Variants in SNRPN observed in about 807,000 individuals in gnomAD.
SNRPN encodes the protein small nuclear ribonucleoprotein polypeptide N.
SNRPN carries 7 observed loss-of-function variants against 25.2 expected under a neutral mutation model. The ratio of observed to expected loss-of-function variants is 0.28; its 90% CI spans 0.16 to 0.52. The LOEUF (loss-of-function observed/expected upper bound fraction) is 0.52. Among genes scored for constraint, SNRPN ranks in the 20% least tolerant of loss-of-function variants. The pLI is 0.96. For missense variants in SNRPN, 196 were observed against 322.5 expected (o/e 0.61, Z 3.00); for synonymous variants, 124 against 110.6 (o/e 1.12, Z -0.76).
In SNRPN at chr15:24,862,426, A is replaced by G. The variant is rs1328719097; in HGVS notation, c.-579+5710A>G. On this transcript the variant is annotated intron_variant, in intron 1 of 11. Transcript: ENST00000400097. ...TCCTGACCTGAGAACAGAAGAGAGC[A>G]CAAGAAACAGGTTCATCTTCAGGCA... Among the ~76,000 whole-genome samples the G allele has an allele frequency of 6.0e-5, 9 of 150,958 alleles. No homozygotes were observed. In the South Asian group the frequency reaches 1.0e-3, roughly 17 times the overall value.
intron 2 of SNRPN, among the ~76,000 whole-genome samples, chr15:24,887,516 G>A (rs972995062): frequency 2.0e-5 from 3 of 151,742 alleles, no homozygotes; most frequent in Non-Finnish European, 4.4e-5. Flanking sequence ...TATTATAATA[G>A]GTTTGGGTTG....
intron 1 of SNRPN, among the ~76,000 whole-genome samples, chr15:24,879,693 A>C (rs926088230): frequency 1.2e-4 from 19 of 152,216 alleles, no homozygotes; most frequent in African/African-American, 4.6e-4. Context: ...TGAGGGTCAA[A>C]TTCTGCCCAG....
At chr15:24,899,971 G>A (rs1268938258) in intron 2 of SNRPN, among the ~76,000 whole-genome samples, 1 of 152,136 alleles carries the variant, frequency 6.6e-6, no homozygotes, top group Non-Finnish European at 1.5e-5. Flanking sequence ...TTATGTTTGG[G>A]CACATTCCAC....
intron 1 of SNRPN, chr15:24,958,639 G>A (rs1338924378): frequency 6.6e-6 from 1 of 151,182 alleles, no homozygotes; most frequent in Non-Finnish European, 1.5e-5. Context: ...TTCTCTTTTT[G>A]TTAATTCTCC....
In SNRPN at chr15:24,823,943, A is replaced by G. The variant is rs141339681; in HGVS notation, c.-687+93A>G. On this transcript the variant is annotated intron_variant, in intron 1 of 12. Transcript: ENST00000400100. Reference sequence around the variant, plus strand: ...AAAACCAATTCATATTTTGTATTGTATATTAATGCCTTTCATTCCTGTATT... The same window carrying G: ...AAAACCAATTCATATTTTGTATTGTGTATTAATGCCTTTCATTCCTGTATT... 10 of 152,288 alleles carry G rather than the reference A, an allele frequency of 6.6e-5. No individual in the cohort carries two copies. The East Asian group carries it at 1.9e-3, about 29-fold the overall frequency. The allele number at this position is 152,288 out of a possible 1,614,324, so 9.4% of individuals were successfully genotyped here.
At chr15:24,896,889 C>T (rs1228593401) in intron 2 of SNRPN, among the ~76,000 whole-genome samples, 6 of 152,066 alleles carry the variant, frequency 3.9e-5, no homozygotes, top group South Asian at 2.1e-4. Flanking sequence ...CAGTGGTTCA[C>T]GCCTGTAATC....
In SNRPN at chr15:24,834,728, C is replaced by CCTCTCCCTCTCTCT. The variant is rs1555376611; in HGVS notation, c.-579+4828_-579+4829insCCTCTCTCTCTCTC. Among the ~76,000 whole-genome samples the CCTCTCCCTCTCTCT allele has an allele frequency of 9.8e-4, 42 of 42,808 alleles. 2 individuals carry two copies. The highest frequency in any genetic ancestry group is 8.4e-3 in the East Asian group (9 of 1,070). 28.1% of individuals were successfully genotyped at this position (42,808 alleles called of 152,430 possible). A position where few individuals can be genotyped will look rare whatever the true frequency, so the allele number is the denominator to read the frequency against. On this transcript the variant is annotated intron_variant, in intron 2 of 12. Coordinates refer to the SNRPN transcript ENST00000400100. ...GAGTGAGACCTTGTCTCTCTCTCTC[C>CCTCTCCCTCTCTCT]CTCTCTCTCTCTCTCTCTCTCTCTA...
At chr15:24,903,452 G>A (rs531806792) in intron 2 of SNRPN, among the ~76,000 whole-genome samples, 5 of 152,202 alleles carry the variant, frequency 3.3e-5, no homozygotes, top group Admixed American at 3.3e-4. Context: ...ACATCCTAAG[G>A]GCCAAAGGAA....
chr15:24,853,995 TTTG>T (rs373461777), upstream of SNRPN, among the ~76,000 whole-genome samples: 292 of 152,338 alleles, frequency 1.9e-3, 1 homozygote, highest in African/African-American at 6.8e-3. Flanking sequence ...TTTTCCTCCA[TTTG>T]TTTTATATAT....
chr15:24,944,463 C>T (rs1047059326), intron 3 of SNRPN, among the ~76,000 whole-genome samples: 10 of 152,098 alleles, frequency 6.6e-5, no homozygotes, highest in African/African-American at 2.4e-4. Flanking sequence ...TTTGGGAGGC[C>T]AAGGTGGGTG....
chr15:24,863,126 G>T (rs1281125111), intron 1 of SNRPN, among the ~76,000 whole-genome samples: 1 of 150,792 alleles, frequency 6.6e-6, no homozygotes, highest in Non-Finnish European at 1.5e-5. Context: ...TTGTTTGATG[G>T]GAAGGAGCAG....
chr15:24,977,762 C>A lies in SNRPN; in HGVS notation c.421-16C>A. On this transcript the variant is annotated splice_polypyrimidine_tract_variant and intron_variant, in intron 7 of 9. Coordinates refer to ENST00000390687, the MANE Select transcript of SNRPN (RefSeq NM_003097.6). ...GGTTTGCATCGCTTTGACTGTTTCC[C>A]GCCCTGCCTTCTCAGGTAATGACTC... is the stretch of plus-strand genomic sequence containing the variant. The A allele has an allele frequency of 6.3e-7, 1 of 1,578,324 alleles. No homozygotes were observed. The highest frequency in any genetic ancestry group is 1.9e-5 in the Admixed American group (1 of 51,996).
intron 2 of SNRPN, among the ~76,000 whole-genome samples, chr15:24,834,751 C>CTCTCTCTCTCTCTCTATATATA: frequency 7.4e-4 from 45 of 60,948 alleles, no homozygotes; most frequent in African/African-American, 8.9e-4. Context: ...CTCTCTCTCT[C>CTCTCTCTCTCTCTCTATATATA]TATATATATA....
chr15:24,964,057 A>G (rs889261947), intron 2 of SNRPN, among the ~76,000 whole-genome samples: 6 of 152,048 alleles, frequency 3.9e-5, no homozygotes, highest in Non-Finnish European at 8.8e-5. Flanking sequence ...GTTGTAAAAC[A>G]TCTGTTAGCA....
chr15:24,943,468 G>A lies in SNRPN; in HGVS notation c.-390-18646G>A, dbSNP rs558411242. On this transcript the variant is annotated intron_variant, in intron 3 of 11. Transcript: ENST00000400097. ...AAGCAGTGTAGCAGGAGTGGGGGCC[G>A]TGGACATTTGAGCCACTTCTTCATG... Among the ~76,000 whole-genome samples the A allele has an allele frequency of 4.6e-5, 7 of 152,134 alleles. No individual in the cohort carries two copies. The East Asian group carries it at 5.8e-4, about 13-fold the overall frequency.
intron 1 of SNRPN, among the ~76,000 whole-genome samples, chr15:24,960,911 C>CT (rs1366544831): frequency 6.6e-6 from 1 of 152,122 alleles, no homozygotes; most frequent in African/African-American, 2.4e-5. Context: ...ATAAATGTGT[C>CT]TGTCACCTGA....
intron 1 of SNRPN, among the ~76,000 whole-genome samples, chr15:24,828,555 CAAGAAAGAAAA>C (rs1442152465): frequency 4.6e-5 from 7 of 151,836 alleles, no homozygotes; most frequent in African/African-American, 1.2e-4. Context: ...TCGAAAAAAA[CAAGAAAGAAAA>C]AAGAAAGAAA....
chr15:24,847,572 G>A (rs970533876), intron 2 of SNRPN, among the ~76,000 whole-genome samples: 1 of 152,252 alleles, frequency 6.6e-6, no homozygotes, highest in Admixed American at 6.5e-5. Context: ...CTAGGAGGTG[G>A]AGGTTGTAGT....
At chr15:24,889,781 G>A (rs1478385684) in intron 2 of SNRPN, among the ~76,000 whole-genome samples, 2 of 151,914 alleles carry the variant, frequency 1.3e-5, no homozygotes, top group Non-Finnish European at 2.9e-5. Context: ...TGGGTGTGGT[G>A]GCTCACGCCT....
Sources: gnomAD v4.1 joint callset for allele counts (sites outside exome capture counted in the v4.1 genomes callset) on GRCh38, gnomAD v4.1.1 for gene constraint, MANE v1.5 for transcripts, NCBI Gene and HGNC (gene_info 2026-07-23, HGNC 2026-07-21) for gene names.